GRIK2: variants seen among roughly 807,000 people sequenced by gnomAD.
GRIK2 encodes glutamate ionotropic receptor kainate type subunit 2, also known as glutamate receptor ionotropic, kainate 2.
In GRIK2, 32 loss-of-function variants were observed where a neutral mutation model predicts 100.3. The observed-to-expected ratio is 0.32, with a 90% CI of 0.24 to 0.43. The LOEUF (loss-of-function observed/expected upper bound fraction) is 0.43. GRIK2 is among the 20% of genes least tolerant of loss of function. The pLI, the probability that GRIK2 is intolerant of heterozygous loss-of-function variation, is 1.00. For missense variants in GRIK2, 843 were observed against 1,114.9 expected (o/e 0.76, Z 3.47); for synonymous variants, 417 against 389.4 (o/e 1.07, Z -0.83).
intron 2 of GRIK2, among the ~76,000 whole-genome samples, chr6:101,525,929 A>G (rs994878167): frequency 6.6e-6 from 1 of 152,228 alleles, no homozygotes; most frequent in Non-Finnish European, 1.5e-5. Flanking sequence ...AAGGAAACAG[A>G]CACTACCTGT....
chr6:101,789,365 C>G (rs1779665909), intron 7 of GRIK2, among the ~76,000 whole-genome samples: 1 of 152,120 alleles, frequency 6.6e-6, no homozygotes, highest in South Asian at 2.1e-4. Flanking sequence ...TTTAATCCAT[C>G]TTGAATTAAT....
chr6:101,694,824 G>A (rs1772363868), intron 7 of GRIK2, among the ~76,000 whole-genome samples: 1 of 151,638 alleles, frequency 6.6e-6, no homozygotes, highest in Admixed American at 6.6e-5. Context: ...TATTATTTCA[G>A]TTTTATGAAT....
intron 4 of GRIK2, among the ~76,000 whole-genome samples, chr6:101,639,172 G>A (rs1419308613): frequency 6.6e-6 from 1 of 152,078 alleles, no homozygotes; most frequent in Admixed American, 6.6e-5. Flanking sequence ...GAGTAGCTGA[G>A]ACTACAGGCA....
chr6:101,899,554 G>T (rs905243952), intron 12 of GRIK2, among the ~76,000 whole-genome samples: 1 of 151,888 alleles, frequency 6.6e-6, no homozygotes, highest in Non-Finnish European at 1.5e-5. Flanking sequence ...TCCCCGCCTG[G>T]ATATAACATA....
At chr6:101,914,996 T>A (rs2257076) in intron 12 of GRIK2, among the ~76,000 whole-genome samples, 142,514 of 151,296 alleles carry the variant, frequency 0.94, 67,145 homozygotes, top group Middle Eastern at 0.97. Context: ...AGAAAACGCA[T>A]TATAGCCTTA....
At chr6:102,066,601 G>C (rs1772028619) in intron 16 of GRIK2, among the ~76,000 whole-genome samples, 1 of 151,296 alleles carries the variant, frequency 6.6e-6, no homozygotes, top group African/African-American at 2.4e-5. Flanking sequence ...AACTCAGCAG[G>C]GTACCAGAAC....
chr6:101,574,671 G>A (rs1265833032), intron 2 of GRIK2, among the ~76,000 whole-genome samples: 1 of 151,586 alleles, frequency 6.6e-6, no homozygotes, highest in African/African-American at 2.4e-5. Flanking sequence ...CAAATACAAA[G>A]CAGAATGCTA....
intron 2 of GRIK2, among the ~76,000 whole-genome samples, chr6:101,578,756 G>A (rs760390937): frequency 6.6e-6 from 1 of 152,038 alleles, no homozygotes; most frequent in Non-Finnish European, 1.5e-5. Context: ...TTTGATGAAG[G>A]CTCATTTCTA....
intron 2 of GRIK2, among the ~76,000 whole-genome samples, chr6:101,611,182 T>C (rs976750807): frequency 2.6e-5 from 4 of 151,848 alleles, no homozygotes; most frequent in African/African-American, 9.7e-5. Context: ...AGCTTATTTA[T>C]TTTTAAAATA....
chr6:101,405,947 A>T (rs1029375748), intron 2 of GRIK2, among the ~76,000 whole-genome samples: 3 of 152,224 alleles, frequency 2.0e-5, no homozygotes. Context: ...ATTTGTAAAC[A>T]GCAAAAGCAT....
At chr6:101,903,171 T>C (rs1312421175) in intron 12 of GRIK2, among the ~76,000 whole-genome samples, 1 of 151,904 alleles carries the variant, frequency 6.6e-6, no homozygotes, top group Non-Finnish European at 1.5e-5. Context: ...GTATATCTTA[T>C]TAACTAGAAT....
chr6:101,873,181 G>A (rs545753135), intron 11 of GRIK2, among the ~76,000 whole-genome samples: 22 of 151,848 alleles, frequency 1.4e-4, no homozygotes, highest in Admixed American at 3.3e-4. Flanking sequence ...GTGCCACGTT[G>A]GTGTGCTGCA....
chr6:101,973,707 T>C (rs553613412), intron 14 of GRIK2, among the ~76,000 whole-genome samples: 1 of 152,060 alleles, frequency 6.6e-6, no homozygotes, highest in Non-Finnish European at 1.5e-5. Context: ...TTGCCCTAAA[T>C]AGCATTATAA....
At chr6:101,525,134 C>A (rs1167144914) in intron 2 of GRIK2, among the ~76,000 whole-genome samples, 3 of 152,098 alleles carry the variant, frequency 2.0e-5, no homozygotes, top group East Asian at 3.9e-4. Flanking sequence ...CTTTTAAGAA[C>A]TGAAGTGATA....
chr6:101,475,264 T>G (rs977035368), intron 2 of GRIK2, among the ~76,000 whole-genome samples: 1 of 151,948 alleles, frequency 6.6e-6, no homozygotes, highest in Non-Finnish European at 1.5e-5. Context: ...CATCCTCTTG[T>G]GTCTAGTAAA....
At chr6:102,050,382 G>A (rs1771108171) in intron 15 of GRIK2, among the ~76,000 whole-genome samples, 1 of 152,100 alleles carries the variant, frequency 6.6e-6, no homozygotes, top group South Asian at 2.1e-4. Flanking sequence ...GCCCCAGCAC[G>A]GTGGCTCAGG....
chr6:101,917,153 A>G (rs967985272), intron 12 of GRIK2, among the ~76,000 whole-genome samples: 2 of 151,714 alleles, frequency 1.3e-5, no homozygotes, highest in Non-Finnish European at 3.0e-5. Context: ...TATGGGTTAA[A>G]CTAATAGTAA....
chr6:101,773,551 C>T (rs191651532), intron 7 of GRIK2, among the ~76,000 whole-genome samples: 105 of 150,788 alleles, frequency 7.0e-4, no homozygotes, highest in Non-Finnish European at 1.3e-3. Flanking sequence ...CTGAGGTACA[C>T]TATAAATATG....
chr6:101,551,978 T>A (rs1390631429), intron 2 of GRIK2, among the ~76,000 whole-genome samples: 1 of 152,132 alleles, frequency 6.6e-6, no homozygotes, highest in African/African-American at 2.4e-5. Flanking sequence ...AGGTAATAAG[T>A]AAGTTAATAA....
Sources: allele counts gnomAD v4.1 joint callset (sites outside exome capture counted in the v4.1 genomes callset), GRCh38; gene constraint gnomAD v4.1.1; transcripts MANE v1.5; gene names NCBI Gene and HGNC (gene_info 2026-07-23, HGNC 2026-07-21).